The following RACGAP1 variants were observed in gnomAD, a reference collection of about 807,000 sequenced individuals.
The protein encoded by RACGAP1 is Rac GTPase activating protein 1.
In RACGAP1, 30 loss-of-function variants were observed where a neutral mutation model predicts 78.1. That is an observed-to-expected ratio of 0.38 (90% CI 0.29 to 0.52). RACGAP1 has a LOEUF of 0.52. RACGAP1 is among the 20% of genes least tolerant of loss of function. The probability of loss-of-function intolerance (pLI) is 0.82; values close to 1 mark genes in which losing one functional copy is unlikely to be tolerated. For missense variants in RACGAP1, 587 were observed against 777.1 expected (o/e 0.76, Z 2.91); for synonymous variants, 231 against 264.8 (o/e 0.87, Z 1.24).
chr12:50,007,985 C>T (rs1366010816), intron 2 of RACGAP1, among the ~76,000 whole-genome samples: 1 of 149,418 alleles, frequency 6.7e-6, no homozygotes, highest in African/African-American at 2.5e-5. Context: ...AAATATTTAC[C>T]GAACTGAAAA....
At chr12:49,996,991 A>G in intron 10 of RACGAP1, 49 bp downstream of exon 10, 1 of 1,421,856 alleles carries the variant, frequency 7.0e-7, no homozygotes, top group South Asian at 1.7e-5. Flanking sequence ...AAGCCTTTGA[A>G]AGGCGAATAA....
At chr12:50,031,662 T>C (rs1950337332) in intron 2 of RACGAP1, 1 of 984,586 alleles carries the variant, frequency 1.0e-6, no homozygotes, top group Non-Finnish European at 1.2e-6. Context: ...TTCCCGAACT[T>C]CCAGTGCCTC....
chr12:50,033,433 C>T (rs964188314), upstream of RACGAP1, among the ~76,000 whole-genome samples: 1 of 152,014 alleles, frequency 6.6e-6, no homozygotes, highest in Non-Finnish European at 1.5e-5. Context: ...ATGAATAGGA[C>T]CCCAACAGGG....
Position 50,021,527 on chromosome 12 carries a change from T to C in RACGAP1, c.-5+3871A>G, listed in dbSNP as rs1011781472. ...TTCAATCACCCAGCCAAGAGGTAGA[T>C]ATCATCCTTCAGAAAAACAGACTAT... On this transcript the variant is annotated intron_variant, in intron 1 of 16. Coordinates refer to ENST00000312377, the MANE Select transcript of RACGAP1 (RefSeq NM_001319999.2). Among the ~76,000 whole-genome samples the C allele has an allele frequency of 3.9e-5, 6 of 152,194 alleles. No individual in the cohort carries two copies. The East Asian group carries it at 1.2e-3, about 29-fold the overall frequency.
At chr12:50,008,784 T>G (rs598144) in intron 2 of RACGAP1, among the ~76,000 whole-genome samples, 6 of 152,070 alleles carry the variant, frequency 3.9e-5, no homozygotes, top group African/African-American at 1.2e-4. Context: ...TAAGCCACCA[T>G]GCCCGGCCGA....
intron 16 of RACGAP1, 138 bp downstream of exon 16, chr12:49,990,546 T>C (rs930802921): frequency 3.2e-5 from 26 of 806,574 alleles, no homozygotes; most frequent in Non-Finnish European, 4.2e-5. Flanking sequence ...GAAGGAATCC[T>C]TATAGCCCCA....
At chr12:50,002,326 TTC>T (rs1948732930) in intron 5 of RACGAP1, 26 bp from the exon 6 acceptor site, 2 of 1,605,622 alleles carry the variant, frequency 1.2e-6, no homozygotes, top group Non-Finnish European at 8.5e-7. Context: ...CTGTATTAAT[TTC>T]TTTTTTTGGT....
intron 1 of RACGAP1, among the ~76,000 whole-genome samples, chr12:50,024,935 G>A (rs1950206075): frequency 6.6e-6 from 1 of 152,032 alleles, no homozygotes; most frequent in African/African-American, 2.4e-5. Context: ...ATCAGGATGA[G>A]AAGGACAAGA....
At chr12:50,018,452 A>C in intron 1 of RACGAP1, 1 of 979,030 alleles carries the variant, frequency 1.0e-6, no homozygotes, top group Non-Finnish European at 1.4e-6. Flanking sequence ...TAAAACCGGC[A>C]GGAAGAGCTG....
intron 9 of RACGAP1, among the ~76,000 whole-genome samples, chr12:49,997,431 C>A (rs763206253): frequency 2.0e-5 from 3 of 151,820 alleles, no homozygotes; most frequent in Admixed American, 6.6e-5. Context: ...CCCACCACTA[C>A]GCCCAGCTAA....
intron 1 of RACGAP1, chr12:50,018,397 C>T: frequency 1.8e-6 from 1 of 564,956 alleles, no homozygotes; most frequent in East Asian, 7.3e-5. Context: ...AAATTTATTA[C>T]AAAGATCTTT....
At chr12:50,000,263 T>G (rs1453605026) in intron 7 of RACGAP1, among the ~76,000 whole-genome samples, 1 of 152,082 alleles carries the variant, frequency 6.6e-6, no homozygotes, top group Non-Finnish European at 1.5e-5. Context: ...TCCACCCGCC[T>G]CAGCCTCCCA....
At chr12:50,001,471 A>T (rs2137378325) in intron 6 of RACGAP1, among the ~76,000 whole-genome samples, 1 of 152,330 alleles carries the variant, frequency 6.6e-6, no homozygotes, top group East Asian at 1.9e-4. Context: ...TCAGTGCCCT[A>T]GAAAAAATGA....
At chr12:50,016,129 C>A (rs1176661946) in intron 2 of RACGAP1, among the ~76,000 whole-genome samples, 3 of 152,174 alleles carry the variant, frequency 2.0e-5, no homozygotes, top group Non-Finnish European at 4.4e-5. Flanking sequence ...CGCCTGTAAT[C>A]CCAGCACTTT....
intron 2 of RACGAP1, among the ~76,000 whole-genome samples, chr12:50,013,278 T>C (rs566565984): frequency 6.6e-6 from 1 of 152,334 alleles, no homozygotes; most frequent in East Asian, 1.9e-4. Flanking sequence ...TCTCAATTTA[T>C]GCCCAAATCC....
Position 50,000,036 on chromosome 12 carries a change from C to T in RACGAP1, c.631-303G>A, listed in dbSNP as rs1382896973. ...CTGACTGATTTTTTTTTTTTTGAGACGGAGTCTCGCTGTGTCGCCCACGCT... is the reference window on the plus strand; with the variant it reads ...CTGACTGATTTTTTTTTTTTTGAGATGGAGTCTCGCTGTGTCGCCCACGCT... On this transcript the variant is annotated intron_variant, in intron 7 of 16. Transcript: ENST00000312377. Among the ~76,000 whole-genome samples, 5 of 2,632 alleles carry T rather than the reference C, an allele frequency of 1.9e-3. No homozygotes were observed. In the Admixed American group the frequency reaches 0.054, roughly 28 times the overall value. The allele number at this position is 2,632 out of a possible 152,430, so 1.7% of individuals were successfully genotyped here. A position where few individuals can be genotyped will look rare whatever the true frequency, so the allele number is the denominator to read the frequency against.
At chr12:50,018,903 G>A (rs969944486) in intron 1 of RACGAP1, among the ~76,000 whole-genome samples, 27 of 150,854 alleles carry the variant, frequency 1.8e-4, no homozygotes, top group African/African-American at 5.6e-4. Flanking sequence ...GTCCACTGGC[G>A]CCACCTCAGC....
chr12:50,027,174 A>C (rs187533742), upstream of RACGAP1, among the ~76,000 whole-genome samples: 176 of 152,326 alleles, frequency 1.2e-3, no homozygotes, highest in African/African-American at 4.1e-3. Context: ...ATTATTATTA[A>C]TATTATTAAG....
rs144749209 is a variant in RACGAP1 at position 50,021,611 on chromosome 12, T to G, written c.-5+3787A>C. Among the ~76,000 whole-genome samples the G allele has an allele frequency of 1.4e-3, 206 of 152,282 alleles. 1 individual carries two copies. Among genetic ancestry groups the G allele is most frequent in the African/African-American group, 4.5e-3 (187 of 41,556 alleles). On this transcript the variant is annotated intron_variant, in intron 1 of 16. Transcript: ENST00000312377. ...TCTCTATCCTCTTCTTCCTCCTCCT[T>G]CAAACAACATTATTAAGAGACCTAT...
Sources: allele counts gnomAD v4.1 joint callset (sites outside exome capture counted in the v4.1 genomes callset), GRCh38; gene constraint gnomAD v4.1.1; transcripts MANE v1.5; gene names NCBI Gene and HGNC (gene_info 2026-07-23, HGNC 2026-07-21).